PPP2R3A: variants seen among roughly 807,000 people sequenced by gnomAD.
PPP2R3A encodes protein phosphatase 2 regulatory subunit B''alpha.
PPP2R3A carries 80 observed loss-of-function variants against 106.9 expected under a neutral mutation model. The ratio of observed to expected loss-of-function variants is 0.75; its 90% CI spans 0.62 to 0.90. PPP2R3A has a LOEUF of 0.90. PPP2R3A is among the 40% of genes least tolerant of loss of function. PPP2R3A has a pLI of 0.00. For missense variants in PPP2R3A, 1,386 were observed against 1,350.4 expected (o/e 1.03, Z -0.41); for synonymous variants, 483 against 468.3 (o/e 1.03, Z -0.41).
intron 4 of PPP2R3A, among the ~76,000 whole-genome samples, chr3:136,042,902 A>G (rs1393805800): frequency 6.6e-6 from 1 of 152,130 alleles, no homozygotes; most frequent in Non-Finnish European, 1.5e-5. Context: ...ATTTTGGGAG[A>G]CTAAGCAGCT....
rs1937379648 is a variant in PPP2R3A at position 136,102,172 on chromosome 3, A to G, written c.3093A>G (p.Pro1031=). ...GCCAGATGCTTGACCTAGTGAAGCC[A>G]GCTGTTGATGGTGAGACCAAGCAAT... ...LLCQMLDLVK[P]AVDGKITLRD... is the part of the protein sequence containing the mutation. The change falls in exon 11 of 14, where the codon CCA becomes CCG. Residue 1031 remains proline, a synonymous_variant. Transcript: ENST00000264977. The G allele has an allele frequency of 6.2e-7, 1 of 1,613,082 alleles. No individual in the cohort carries two copies. The highest frequency in any genetic ancestry group is 1.3e-5 in the African/African-American group (1 of 75,004).
intron 1 of PPP2R3A, among the ~76,000 whole-genome samples, chr3:135,999,149 A>G (rs1312240626): frequency 6.6e-6 from 1 of 152,236 alleles, no homozygotes; most frequent in African/African-American, 2.4e-5. Context: ...ATGTTTGATA[A>G]GTGAATTAGA....
At chr3:135,970,230 G>T (rs1264277885) in intron 1 of PPP2R3A, among the ~76,000 whole-genome samples, 4 of 152,202 alleles carry the variant, frequency 2.6e-5, no homozygotes, top group African/African-American at 7.2e-5. Context: ...AGTAGAGGAG[G>T]ATAGCCCAGG....
chr3:136,022,850 G>T (rs1934512578), intron 2 of PPP2R3A: 2 of 1,331,954 alleles, frequency 1.5e-6, no homozygotes, highest in African/African-American at 3.0e-5. Flanking sequence ...TTATGAGCAG[G>T]TATTGGGAGC....
chr3:136,025,725 A>T (rs1934623773), intron 2 of PPP2R3A, among the ~76,000 whole-genome samples: 1 of 152,118 alleles, frequency 6.6e-6, no homozygotes, highest in African/African-American at 2.4e-5. Context: ...AAGAAATTTG[A>T]ATAATACTTT....
At chr3:135,972,713 G>C (rs138345378) in intron 1 of PPP2R3A, among the ~76,000 whole-genome samples, 1 of 152,092 alleles carries the variant, frequency 6.6e-6, no homozygotes, top group Non-Finnish European at 1.5e-5. Flanking sequence ...GACTACTGAC[G>C]TTGAGCATCT....
chr3:135,994,680 C>T (rs1050952220), intron 1 of PPP2R3A, among the ~76,000 whole-genome samples: 2 of 152,108 alleles, frequency 1.3e-5, no homozygotes, highest in Admixed American at 1.3e-4. Context: ...ATTCCTGTTT[C>T]TCATTCTTAT....
chr3:136,003,629 T>A, intron 2 of PPP2R3A, 136 bp downstream of exon 2: 2 of 713,222 alleles, frequency 2.8e-6, no homozygotes, highest in Non-Finnish European at 4.4e-6. Flanking sequence ...ATGATCTCAC[T>A]CAGCTCAGAG....
chr3:135,979,670 C>A (rs1322118551), intron 1 of PPP2R3A, among the ~76,000 whole-genome samples: 1 of 151,676 alleles, frequency 6.6e-6, no homozygotes, highest in Non-Finnish European at 1.5e-5. Context: ...TATTGCTCAT[C>A]CTGCCATCAT....
At chr3:135,976,351 A>G (rs376995894) in intron 1 of PPP2R3A, among the ~76,000 whole-genome samples, 6 of 152,236 alleles carry the variant, frequency 3.9e-5, no homozygotes, top group East Asian at 3.8e-4. Context: ...AGTGGCCATC[A>G]TAAACCATCA....
At chr3:136,066,067 T>C (rs1047476896) in intron 5 of PPP2R3A, among the ~76,000 whole-genome samples, 2 of 152,084 alleles carry the variant, frequency 1.3e-5, no homozygotes, top group Non-Finnish European at 2.9e-5. Context: ...CCTAGGAAAA[T>C]ACATAGGACC....
chr3:136,048,191 G>A (rs1935540485), intron 4 of PPP2R3A, among the ~76,000 whole-genome samples: 1 of 152,194 alleles, frequency 6.6e-6, no homozygotes, highest in Non-Finnish European at 1.5e-5. Flanking sequence ...GGACACAGGA[G>A]GCCAGCAAGA....
chr3:136,058,256 A>G (rs150808423), intron 5 of PPP2R3A, among the ~76,000 whole-genome samples: 296 of 152,304 alleles, frequency 1.9e-3, no homozygotes, highest in South Asian at 3.9e-3. Flanking sequence ...ACATGATCCT[A>G]TATTTCAAAA....
chr3:136,055,632 A>G (rs755281041), intron 5 of PPP2R3A: 2 of 1,352,730 alleles, frequency 1.5e-6, no homozygotes, highest in Non-Finnish European at 1.1e-6. Flanking sequence ...CCTGCCTGCC[A>G]ATGGACAAAG....
rs397942257 is a variant in PPP2R3A, at chr3:136,076,952, GA to G, written c.2545-1400del. On this transcript the variant is annotated intron_variant, in intron 6 of 13. Coordinates refer to ENST00000264977, the MANE Select transcript of PPP2R3A (RefSeq NM_002718.5). ...ACAGGGTGAGACTCCGTCTCAGAAA[GA>G]AAAAAAAAAAAAAAGCACCATATAA... 5.6e-3 allele frequency among the ~76,000 whole-genome samples: 607 copies of G among 107,824 alleles called. 4 individuals are homozygous for G. Among genetic ancestry groups the G allele is most frequent in the Admixed American group, 0.021 (209 of 10,182 alleles). 70.7% of individuals were successfully genotyped at this position (107,824 alleles called of 152,430 possible). A position where few individuals can be genotyped will look rare whatever the true frequency, so the allele number is the denominator to read the frequency against.
intron 7 of PPP2R3A, 113 bp from the exon 8 acceptor site, chr3:136,082,150 TTG>T: frequency 3.6e-6 from 3 of 827,986 alleles, no homozygotes; most frequent in Non-Finnish European, 5.6e-6. Context: ...GGTTTCTGAT[TTG>T]GTACCAGAAA....
Position 136,094,705 on chromosome 3 carries a change from A to G in PPP2R3A, c.2927+4038A>G, listed in dbSNP as rs112047841. Among the ~76,000 whole-genome samples the G allele has an allele frequency of 7.7e-3, 1,179 of 152,360 alleles. 24 individuals are homozygous for G. Among genetic ancestry groups the G allele is most frequent in the African/African-American group, 0.026 (1,070 of 41,578 alleles). On this transcript the variant is annotated intron_variant, in intron 10 of 13. Coordinates refer to ENST00000264977, the MANE Select transcript of PPP2R3A (RefSeq NM_002718.5). ...AGAAATACATAACCTGAATAGTCAG[A>G]TGTCTATTAAAGAAAATTGAATTCA...
intron 13 of PPP2R3A, among the ~76,000 whole-genome samples, chr3:136,119,821 C>T (rs1937923080): frequency 6.6e-6 from 1 of 152,188 alleles, no homozygotes; most frequent in Non-Finnish European, 1.5e-5. Context: ...GGATCTAGAA[C>T]TAGAAATACC....
intron 5 of PPP2R3A, among the ~76,000 whole-genome samples, chr3:136,061,584 C>T (rs1423777365): frequency 2.6e-5 from 4 of 151,346 alleles, no homozygotes; most frequent in South Asian, 2.1e-4. Context: ...GCTGAGATTG[C>T]GCCAGTGCAC....
Sources: allele counts gnomAD v4.1 joint callset (sites outside exome capture counted in the v4.1 genomes callset), GRCh38; gene constraint gnomAD v4.1.1; transcripts MANE v1.5; gene names NCBI Gene and HGNC (gene_info 2026-07-23, HGNC 2026-07-21).